Variants in RBPJ observed in about 807,000 individuals in gnomAD.
The protein encoded by RBPJ is recombination signal binding protein for immunoglobulin kappa J region.
Under a neutral mutation model 67.8 loss-of-function variants are expected in RBPJ, and 9 were observed. That is an observed-to-expected ratio of 0.13 (90% CI 0.08 to 0.23). The LOEUF is 0.23. Ranked by LOEUF, RBPJ falls within the 10% of genes least tolerant of loss-of-function variation. RBPJ has a pLI of 1.00. For synonymous variants in RBPJ, 198 were observed against 203.3 expected (o/e 0.97, Z 0.22); for missense variants, 305 against 595.6 (o/e 0.51, Z 5.08).
intron 1 of RBPJ, among the ~76,000 whole-genome samples, chr4:26,329,272 C>T (rs1056472339): frequency 6.6e-6 from 1 of 152,144 alleles, no homozygotes; most frequent in Non-Finnish European, 1.5e-5. Flanking sequence ...GGATTACAGG[C>T]ATGAGCCACC....
At chr4:26,286,018 C>T (rs1471025773) in intron 1 of RBPJ, among the ~76,000 whole-genome samples, 2 of 152,248 alleles carry the variant, frequency 1.3e-5, no homozygotes, top group African/African-American at 4.8e-5. Flanking sequence ...AGTACACTTG[C>T]TTGAGCCCAG....
At position 26,262,907 on chromosome 4, in the gene RBPJ, A is replaced by G. The variant is rs76364302; in HGVS notation, c.-167+99293A>G. ...ATCAATCCATCAGGCTTCCCAGAGCAGAATCCTGAATGTTACCATTCATTT... is the reference window on the plus strand; with the variant it reads ...ATCAATCCATCAGGCTTCCCAGAGCGGAATCCTGAATGTTACCATTCATTT... On this transcript the variant is annotated intron_variant, in intron 1 of 4. Coordinates refer to the RBPJ transcript ENST00000512351. 1.3e-3 allele frequency among the ~76,000 whole-genome samples: 192 copies of G among 152,324 alleles called. 3 individuals are homozygous for G. In the East Asian group the frequency reaches 0.033, roughly 26 times the overall value.
At chr4:26,194,774 G>T (rs972637144) in intron 1 of RBPJ, among the ~76,000 whole-genome samples, 1 of 152,202 alleles carries the variant, frequency 6.6e-6, no homozygotes, top group African/African-American at 2.4e-5. Flanking sequence ...CAGAGCACAC[G>T]ATACAAATGC....
chr4:26,364,177 A>G (rs1728363994), intron 1 of RBPJ, among the ~76,000 whole-genome samples: 1 of 152,236 alleles, frequency 6.6e-6, no homozygotes. Flanking sequence ...GATTTTTGTC[A>G]GTTAGTCTAC....
chr4:26,164,340 C>T (rs1716181608), intron 1 of RBPJ, among the ~76,000 whole-genome samples: 1 of 152,192 alleles, frequency 6.6e-6, no homozygotes, highest in Non-Finnish European at 1.5e-5. Context: ...CTTATACATA[C>T]ACTTGTACAC....
intron 1 of RBPJ, among the ~76,000 whole-genome samples, chr4:26,330,458 CT>C (rs1207878318): frequency 6.6e-6 from 1 of 152,222 alleles, no homozygotes; most frequent in Non-Finnish European, 1.5e-5. Context: ...CACGTAGAAA[CT>C]GACCCCCGGA....
intron 1 of RBPJ, among the ~76,000 whole-genome samples, chr4:26,328,908 C>A (rs1723933034): frequency 6.6e-6 from 1 of 152,178 alleles, no homozygotes; most frequent in African/African-American, 2.4e-5. Flanking sequence ...CCTTGGTCTC[C>A]CAATGTGGTG....
chr4:26,125,535 A>G, the RBPJ span, among the ~76,000 whole-genome samples: 1 of 152,216 alleles, frequency 6.6e-6, no homozygotes, highest in Admixed American at 6.5e-5. Context: ...GCAATGGCTC[A>G]CACCTGTAAT....
At chr4:26,168,304 A>T (rs1716402863) in intron 1 of RBPJ, among the ~76,000 whole-genome samples, 1 of 151,704 alleles carries the variant, frequency 6.6e-6, no homozygotes, top group African/African-American at 2.4e-5. Flanking sequence ...CTTGTCTGTA[A>T]AGTATTTTAT....
At chr4:26,337,309 T>C (rs1294596964) in intron 1 of RBPJ, among the ~76,000 whole-genome samples, 1 of 152,194 alleles carries the variant, frequency 6.6e-6, no homozygotes, top group Admixed American at 6.5e-5. Context: ...TAGATGGCTA[T>C]TGAATGCATG....
intron 3 of RBPJ, among the ~76,000 whole-genome samples, chr4:26,409,015 A>C (rs1733756195): frequency 6.6e-6 from 1 of 152,208 alleles, no homozygotes; most frequent in Admixed American, 6.5e-5. Flanking sequence ...TATAGCTTCA[A>C]ATTTAGGCAA....
rs113291549 is a variant in RBPJ at position 26,251,598 on chromosome 4, A to T, written c.-167+87984A>T. ...TTGCAATGAGAGCGGAAATCATGCC[A>T]CTGCACATGAGCAACAGAGTAAGAC... On this transcript the variant is annotated intron_variant, in intron 1 of 4. Coordinates refer to the RBPJ transcript ENST00000512351. Among the ~76,000 whole-genome samples the T allele has an allele frequency of 7.1e-3, 1,056 of 148,272 alleles. 12 individuals are homozygous for T. Among genetic ancestry groups the T allele is most frequent in the African/African-American group, 0.025 (982 of 39,868 alleles).
chr4:26,232,644 A>G (rs561410534), intron 1 of RBPJ, among the ~76,000 whole-genome samples: 1 of 152,350 alleles, frequency 6.6e-6, no homozygotes, highest in South Asian at 2.1e-4. Flanking sequence ...TCTCTTCTCT[A>G]TAACAACAAC....
chr4:26,138,675 C>T, the RBPJ span, among the ~76,000 whole-genome samples: 3,465 of 152,280 alleles, frequency 0.023, 138 homozygotes, highest in African/African-American at 0.079. Context: ...GGGCAGAGGC[C>T]GTCCCATGTT....
At chr4:26,258,419 G>T (rs77485634) in intron 1 of RBPJ, among the ~76,000 whole-genome samples, 691 of 152,214 alleles carry the variant, frequency 4.5e-3, no homozygotes, top group Non-Finnish European at 7.4e-3. Context: ...AGATGTACTG[G>T]TGCATCTAGT....
chr4:26,130,523 G>GCTTCACGT, the RBPJ span, among the ~76,000 whole-genome samples: 1 of 152,080 alleles, frequency 6.6e-6, no homozygotes, highest in African/African-American at 2.4e-5. Flanking sequence ...ATTTTTTCAA[G>GCTTCACGT]CTTCACGTCC....
At chr4:26,319,268 A>T (rs1577424240), upstream of RBPJ, among the ~76,000 whole-genome samples, 1 of 151,630 alleles carries the variant, frequency 6.6e-6, no homozygotes, top group South Asian at 2.1e-4. Context: ...CTGACCTCTC[A>T]CTCTCCGTAC....
chr4:26,146,405 T>C, the RBPJ span, among the ~76,000 whole-genome samples: 9 of 152,348 alleles, frequency 5.9e-5, no homozygotes, highest in South Asian at 2.1e-4. Flanking sequence ...AATCGGATCA[T>C]AGACTTACAT....
At chr4:26,262,011 T>A (rs567297645) in intron 1 of RBPJ, among the ~76,000 whole-genome samples, 135 of 152,340 alleles carry the variant, frequency 8.9e-4, no homozygotes, top group Middle Eastern at 6.8e-3. Flanking sequence ...AGTGGCACAA[T>A]CAAGGCTCAC....
Sources: allele counts gnomAD v4.1 joint callset (sites outside exome capture counted in the v4.1 genomes callset), GRCh38; gene constraint gnomAD v4.1.1; transcripts MANE v1.5; gene names NCBI Gene and HGNC (gene_info 2026-07-23, HGNC 2026-07-21).